Variants in CDS2 observed in about 807,000 individuals in gnomAD.
CDS2 encodes the protein phosphatidate cytidylyltransferase 2.
CDS2 carries 47 observed loss-of-function variants against 59.0 expected under a neutral mutation model. The ratio of observed to expected loss-of-function variants is 0.80; its 90% CI spans 0.63 to 1.02. The LOEUF is 1.02. Ranked by LOEUF, CDS2 falls within the 50% of genes least tolerant of loss-of-function variation. The pLI is 0.00. For missense variants in CDS2, 356 were observed against 558.9 expected, an observed-to-expected ratio of 0.64 and a Z score of 3.66; for synonymous variants, 207 against 206.4, an observed-to-expected ratio of 1.00 and a Z score of -0.02.
At chr20:5,172,188 T>C (rs2093202223) in intron 1 of CDS2, among the ~76,000 whole-genome samples, 4 of 152,218 alleles carry the variant, frequency 2.6e-5, no homozygotes, top group Admixed American at 6.5e-5. Context: ...CAAGAAGTTA[T>C]GTTCTTGTCT....
At position 5,189,144 on chromosome 20, in the gene CDS2, A is replaced by G. The variant is rs758192217; in HGVS notation, c.1059A>G (p.Gly353=). ...TTGCCTCGCTCATTGGCCCCTTTGG[A>G]GGATTCTTCGCAAGTGGATTCAAAC... The part of the protein sequence containing the change: ...STFASLIGPF[G]GFFASGFKRA... The change falls in exon 11 of 13, where the codon GGA becomes GGG. Residue 353 remains glycine (G), a synonymous_variant. Transcript: ENST00000460006. 5 of 1,614,064 alleles carry G rather than the reference A, an allele frequency of 3.1e-6. No individual in the cohort carries two copies.
At chr20:5,163,067 G>A (rs1271258562) in intron 1 of CDS2, among the ~76,000 whole-genome samples, 2 of 152,278 alleles carry the variant, frequency 1.3e-5, no homozygotes, top group Admixed American at 6.5e-5. Flanking sequence ...TTGATGGCCA[G>A]GTACTGTGGC....
rs964732767 is a variant in CDS2 at position 5,175,126 on chromosome 20, T to C, written c.195-57T>C. On this transcript the variant is annotated intron_variant, in intron 2 of 12. Transcript: ENST00000460006. ...ATCCATATCCCTTGAGTTTGTGCATTGGTTTTTTTCTGGGCTCCTAACTGG... is the reference window on the plus strand; with the variant it reads ...ATCCATATCCCTTGAGTTTGTGCATCGGTTTTTTTCTGGGCTCCTAACTGG... The C allele has an allele frequency of 7.1e-6, 9 of 1,260,128 alleles. No individual in the cohort carries two copies. The African/African-American group carries it at 1.2e-4, about 16-fold the overall frequency. The allele number at this position is 1,260,128 out of a possible 1,614,324, so 78.1% of individuals were successfully genotyped here.
At chr20:5,189,044 T>G in intron 10 of CDS2, 23 bp from the exon 11 acceptor site, 2 of 1,613,726 alleles carry the variant, frequency 1.2e-6, no homozygotes, top group Non-Finnish European at 1.7e-6. Flanking sequence ...CACCTAAACT[T>G]TTACTTCATT....
intron 1 of CDS2, among the ~76,000 whole-genome samples, chr20:5,152,699 C>G (rs773371676): frequency 6.6e-6 from 1 of 152,194 alleles, no homozygotes; most frequent in Non-Finnish European, 1.5e-5. Context: ...GCCAAGATTG[C>G]GCCATTGCAC....
intron 1 of CDS2, among the ~76,000 whole-genome samples, chr20:5,145,612 A>ATC (rs2090735659): frequency 6.6e-6 from 1 of 151,918 alleles, no homozygotes; most frequent in African/African-American, 2.4e-5. Flanking sequence ...TGTTTCATCC[A>ATC]TCTTAGCTCT....
chr20:5,191,559 A>C lies in CDS2; in HGVS notation c.*1325A>C, dbSNP rs1187404412. 1 of 152,126 alleles carries C rather than the reference A, an allele frequency of 6.6e-6. No individual in the cohort carries two copies. Among genetic ancestry groups the C allele is most frequent in the African/African-American group, 2.4e-5 (1 of 41,410 alleles). The allele number at this position is 152,126 out of a possible 1,614,324, so 9.4% of individuals were successfully genotyped here. On this transcript the variant is annotated 3_prime_UTR_variant, in exon 13 of 13. Coordinates refer to ENST00000460006, the MANE Select transcript of CDS2 (RefSeq NM_003818.4). ...ACTATTCCGTGCCGTGGATGTTTTC[A>C]TTGCCAACGAGGGTGTAATGATTTG...
intron 10 of CDS2, 34 bp downstream of exon 10, chr20:5,186,873 A>G (rs759547369): frequency 3.1e-6 from 5 of 1,611,712 alleles, no homozygotes; most frequent in Non-Finnish European, 4.2e-6. Flanking sequence ...AGCGGCCTCC[A>G]TGGACAGTGG....
intron 1 of CDS2, among the ~76,000 whole-genome samples, chr20:5,166,611 G>A (rs2090915369): frequency 6.6e-6 from 1 of 152,152 alleles, no homozygotes; most frequent in Admixed American, 6.5e-5. Context: ...AGTTCCTAAG[G>A]AGAAGGTCAG....
At chr20:5,128,097 C>T (rs759899039) in intron 1 of CDS2, 1 of 152,170 alleles carries the variant, frequency 6.6e-6, no homozygotes, top group Non-Finnish European at 1.5e-5. Flanking sequence ...CCACATATTG[C>T]CTTAAAAATC....
At position 5,194,640 on chromosome 20, in the gene CDS2, G is replaced by C. The variant is rs2091143270; in HGVS notation, c.*4406G>C. The C allele has an allele frequency of 6.6e-6, 1 of 152,144 alleles. No individual in the cohort carries two copies. The highest frequency in any genetic ancestry group is 6.6e-5 in the Admixed American group (1 of 15,266). 9.4% of individuals were successfully genotyped at this position (152,144 alleles called of 1,614,324 possible). A position where few individuals can be genotyped will look rare whatever the true frequency, so the allele number is the denominator to read the frequency against. ...GTATCCTTTGGATGCTGAAGTGTTG[G>C]GATTTTGAGGACATGCGGATGATTT... On this transcript the variant is annotated 3_prime_UTR_variant, in exon 13 of 13. Coordinates refer to ENST00000460006, the MANE Select transcript of CDS2 (RefSeq NM_003818.4).
chr20:5,181,066 A>G (rs755812708), intron 5 of CDS2, among the ~76,000 whole-genome samples: 1 of 152,090 alleles, frequency 6.6e-6, no homozygotes, highest in Non-Finnish European at 1.5e-5. Context: ...CCATATCAGT[A>G]AAGCAAAATA....
intron 1 of CDS2, among the ~76,000 whole-genome samples, chr20:5,156,874 G>A (rs1440634691): frequency 6.6e-6 from 1 of 152,178 alleles, no homozygotes; most frequent in Non-Finnish European, 1.5e-5. Context: ...CTTCCTCCTG[G>A]TGGCTCCAGA....
intron 1 of CDS2, among the ~76,000 whole-genome samples, chr20:5,151,136 A>G (rs1380284652): frequency 2.0e-5 from 3 of 152,242 alleles, no homozygotes; most frequent in African/African-American, 7.2e-5. Context: ...AAATATTGCC[A>G]TGTTAGTGTT....
At chr20:5,190,050 C>A in intron 12 of CDS2, 52 bp from the exon 13 acceptor site, 1 of 1,598,858 alleles carries the variant, frequency 6.3e-7, no homozygotes. Context: ...TAATCAGGCC[C>A]TGGAAGCTTC....
intron 2 of CDS2, 46 bp downstream of exon 2, chr20:5,173,705 A>G (rs2090973582): frequency 1.9e-6 from 3 of 1,608,326 alleles, no homozygotes; most frequent in Admixed American, 1.7e-5. Context: ...GCTTTGCACC[A>G]TGTCCAAGTG....
chr20:5,185,048 A>G, intron 8 of CDS2, 103 bp downstream of exon 8: 1 of 840,982 alleles, frequency 1.2e-6, no homozygotes, highest in East Asian at 2.4e-5. Context: ...GCTGTGTTGT[A>G]TTGTGGCCAT....
chr20:5,179,538 T>G (rs540310109), intron 5 of CDS2, among the ~76,000 whole-genome samples: 18 of 152,358 alleles, frequency 1.2e-4, no homozygotes, highest in Admixed American at 5.9e-4. Context: ...GTCCTGACTC[T>G]CCTGTTGGCA....
chr20:5,167,771 C>G (rs960991115), intron 1 of CDS2, among the ~76,000 whole-genome samples: 3 of 152,188 alleles, frequency 2.0e-5, no homozygotes, highest in African/African-American at 7.2e-5. Flanking sequence ...TGGTATTCAG[C>G]AGAAAAGTTA....
Sources: gnomAD v4.1 joint callset for allele counts (sites outside exome capture counted in the v4.1 genomes callset) on GRCh38, gnomAD v4.1.1 for gene constraint, MANE v1.5 for transcripts, NCBI Gene and HGNC (gene_info 2026-07-23, HGNC 2026-07-21) for gene names.